CTNNA2: variants seen among roughly 807,000 people sequenced by gnomAD.
The protein encoded by CTNNA2 is catenin alpha 2.
A neutral mutation model predicts 101.0 loss-of-function variants in CTNNA2; 42 were observed. That is an observed-to-expected ratio of 0.42 (90% CI 0.32 to 0.54). CTNNA2 has a LOEUF of 0.54. Among genes scored for constraint, CTNNA2 ranks in the 20% least tolerant of loss-of-function variants. CTNNA2 has a pLI of 0.14. For synonymous variants in CTNNA2, 450 were observed against 456.4 expected (o/e 0.99, Z 0.18); for missense variants, 871 against 1,223.1 (o/e 0.71, Z 4.29).
chr2:79,855,277 C>G (rs1681039893), intron 3 of CTNNA2, among the ~76,000 whole-genome samples: 1 of 152,096 alleles, frequency 6.6e-6, no homozygotes, highest in Admixed American at 6.5e-5. Flanking sequence ...CTGAGCCACT[C>G]TTGGGGTGCC....
At chr2:80,552,486 CTG>C (rs1471640174) in intron 11 of CTNNA2, among the ~76,000 whole-genome samples, 1 of 152,162 alleles carries the variant, frequency 6.6e-6, no homozygotes, top group Non-Finnish European at 1.5e-5. Context: ...CATGAAGAAA[CTG>C]TGACTCATTT....
At position 79,814,638 on chromosome 2, in the gene CTNNA2, C is replaced by CACAT. The variant is rs145584853; in HGVS notation, c.299-43374_299-43373insCATA. On this transcript the variant is annotated intron_variant, in intron 3 of 18. Coordinates refer to ENST00000402739, the MANE Select transcript of CTNNA2 (RefSeq NM_001282597.3). ...ACACACACACACACACACACACACA[C>CACAT]ATATATATATATATCACAGTTTCTT... Among the ~76,000 whole-genome samples the CACAT allele has an allele frequency of 6.7e-3, 985 of 147,000 alleles. 14 individuals carry two copies. The highest frequency in any genetic ancestry group is 0.022 in the African/African-American group (858 of 39,206).
chr2:79,338,607 C>CTTCTTCTTCTTA (rs1677058447), intron 3 of CTNNA2, among the ~76,000 whole-genome samples: 2 of 148,392 alleles, frequency 1.3e-5, no homozygotes, highest in Non-Finnish European at 3.0e-5. Flanking sequence ...TCTTCTTCTT[C>CTTCTTCTTCTTA]TTCTTCTTCT....
chr2:80,043,040 CTTCTTTCTTTCT>C (rs1173555945), intron 7 of CTNNA2, among the ~76,000 whole-genome samples: 24 of 52,820 alleles, frequency 4.5e-4, no homozygotes, highest in Non-Finnish European at 7.7e-4. Flanking sequence ...TCTTTCTTTC[CTTCTTTCTTTCT>C]TTCTTTCTTT....
chr2:80,481,117 G>GT (rs1441638476), intron 9 of CTNNA2, among the ~76,000 whole-genome samples: 2 of 152,114 alleles, frequency 1.3e-5, no homozygotes, highest in Non-Finnish European at 2.9e-5. Flanking sequence ...CTTGGTTGAG[G>GT]TAAAATGCCA....
At chr2:79,639,932 T>TTG (rs60058512) in intron 1 of CTNNA2, among the ~76,000 whole-genome samples, 7,550 of 145,134 alleles carry the variant, frequency 0.052, 208 homozygotes, top group East Asian at 0.092. Context: ...TTAACTATAA[T>TTG]TGTGTGTGTG....
At chr2:80,617,256 G>A (rs1213346870) in intron 17 of CTNNA2, among the ~76,000 whole-genome samples, 2 of 150,578 alleles carry the variant, frequency 1.3e-5, no homozygotes, top group Non-Finnish European at 3.0e-5. Flanking sequence ...CCTACAATGG[G>A]AAAAATCAGA....
intron 4 of CTNNA2, among the ~76,000 whole-genome samples, chr2:79,447,130 G>A (rs1402277207): frequency 6.6e-6 from 1 of 151,964 alleles, no homozygotes; most frequent in Non-Finnish European, 1.5e-5. Context: ...GGAGCCCCGG[G>A]TGTGTGTCCT....
intron 7 of CTNNA2, among the ~76,000 whole-genome samples, chr2:79,977,872 C>T (rs1690979478): frequency 6.6e-6 from 1 of 152,008 alleles, no homozygotes; most frequent in Admixed American, 6.6e-5. Context: ...TCCTTCTCAG[C>T]CTCAATTCAA....
At chr2:80,201,300 C>T (rs781585956) in intron 7 of CTNNA2, among the ~76,000 whole-genome samples, 8 of 150,684 alleles carry the variant, frequency 5.3e-5, no homozygotes, top group Non-Finnish European at 1.2e-4. Context: ...AAAAATGAGG[C>T]AAATCAGTCT....
chr2:80,341,321 G>A (rs768162326), intron 7 of CTNNA2, among the ~76,000 whole-genome samples: 15 of 152,252 alleles, frequency 9.9e-5, no homozygotes, highest in Admixed American at 8.5e-4. Context: ...CCATGCTGAA[G>A]CTATCTAGGG....
At chr2:80,230,860 C>A (rs539770788) in intron 7 of CTNNA2, among the ~76,000 whole-genome samples, 2 of 152,262 alleles carry the variant, frequency 1.3e-5, no homozygotes, top group African/African-American at 2.4e-5. Flanking sequence ...GATTCTCATT[C>A]TTTATGCTAG....
intron 3 of CTNNA2, among the ~76,000 whole-genome samples, chr2:79,357,508 A>G (rs1404095360): frequency 1.3e-5 from 2 of 152,202 alleles, no homozygotes; most frequent in Non-Finnish European, 2.9e-5. Context: ...ACAATTTAAT[A>G]TAAATGTGAC....
intron 1 of CTNNA2, among the ~76,000 whole-genome samples, chr2:79,593,693 TC>T (rs1263521603): frequency 6.6e-6 from 1 of 152,068 alleles, no homozygotes; most frequent in African/African-American, 2.4e-5. Flanking sequence ...TGTCTGTCAC[TC>T]CCCTGCTTCT....
chr2:80,242,243 G>T (rs1670996341), intron 7 of CTNNA2, among the ~76,000 whole-genome samples: 1 of 152,150 alleles, frequency 6.6e-6, no homozygotes, highest in South Asian at 2.1e-4. Flanking sequence ...ATGGACATTG[G>T]ATTGAAAGGC....
chr2:80,236,476 C>G (rs925656453), intron 7 of CTNNA2, among the ~76,000 whole-genome samples: 1 of 152,122 alleles, frequency 6.6e-6, no homozygotes, highest in African/African-American at 2.4e-5. Flanking sequence ...TGTTACTTAG[C>G]CTTTTTTCCA....
intron 3 of CTNNA2, among the ~76,000 whole-genome samples, chr2:79,838,491 G>A (rs1374160876): frequency 2.0e-5 from 3 of 152,114 alleles, no homozygotes; most frequent in African/African-American, 7.2e-5. Context: ...GAATAAAAGA[G>A]TGATAATTGG....
At chr2:80,039,307 C>A (rs532166829) in intron 7 of CTNNA2, among the ~76,000 whole-genome samples, 1 of 152,254 alleles carries the variant, frequency 6.6e-6, no homozygotes, top group Non-Finnish European at 1.5e-5. Flanking sequence ...GTGACTGGAG[C>A]AGCCACAAGG....
chr2:79,990,460 A>C (rs1298660701), intron 7 of CTNNA2, among the ~76,000 whole-genome samples: 1 of 152,128 alleles, frequency 6.6e-6, no homozygotes, highest in Non-Finnish European at 1.5e-5. Context: ...TGGCTAAGAA[A>C]ACTAACTTTG....
Sources: gnomAD v4.1 joint callset for allele counts (sites outside exome capture counted in the v4.1 genomes callset) on GRCh38, gnomAD v4.1.1 for gene constraint, MANE v1.5 for transcripts, NCBI Gene and HGNC (gene_info 2026-07-23, HGNC 2026-07-21) for gene names.